Variants in ITGA9 observed in about 807,000 individuals in gnomAD.
ITGA9 encodes the protein integrin alpha-9.
In ITGA9, 56 loss-of-function variants were observed where a neutral mutation model predicts 127.8. The ratio of observed to expected loss-of-function variants is 0.44; its 90% CI spans 0.35 to 0.55. The LOEUF (loss-of-function observed/expected upper bound fraction) is 0.55, where lower values mean the gene tolerates loss of function less well. ITGA9 is among the 20% of genes least tolerant of loss of function. The pLI, the probability that ITGA9 is intolerant of heterozygous loss-of-function variation, is 0.00. For synonymous variants in ITGA9, 508 were observed against 514.5 expected (o/e 0.99, Z 0.17); for missense variants, 1,196 against 1,347.1 (o/e 0.89, Z 1.76).
At chr3:37,488,086 G>A (rs1698629101) in intron 4 of ITGA9, among the ~76,000 whole-genome samples, 1 of 152,178 alleles carries the variant, frequency 6.6e-6, no homozygotes, top group Admixed American at 6.5e-5. Flanking sequence ...ATGCTTTGGT[G>A]CCAGTTATTT....
chr3:37,815,185 C>G (rs1412563561), intron 27 of ITGA9, among the ~76,000 whole-genome samples: 1 of 152,218 alleles, frequency 6.6e-6, no homozygotes, highest in African/African-American at 2.4e-5. Context: ...CACATGAAAG[C>G]CACATGTAAG....
intron 26 of ITGA9, among the ~76,000 whole-genome samples, chr3:37,793,389 AACACACAC>A (rs10575371): frequency 0.024 from 3,216 of 134,520 alleles, 52 homozygotes; most frequent in Middle Eastern, 0.1. Flanking sequence ...CAAACAGGTC[AACACACAC>A]ACACACACAC....
intron 2 of ITGA9, among the ~76,000 whole-genome samples, chr3:37,471,725 A>G (rs1029617092): frequency 6.6e-6 from 1 of 152,202 alleles, no homozygotes; most frequent in African/African-American, 2.4e-5. Context: ...TTACATTTTA[A>G]CTAGGGAAAG....
intron 5 of ITGA9, among the ~76,000 whole-genome samples, chr3:37,499,421 T>C (rs1698766449): frequency 6.6e-6 from 1 of 152,242 alleles, no homozygotes. Flanking sequence ...TGCTAATAAA[T>C]GCATCTTGGG....
chr3:37,606,937 G>A (rs1699974204), intron 15 of ITGA9, among the ~76,000 whole-genome samples: 1 of 148,820 alleles, frequency 6.7e-6, no homozygotes, highest in African/African-American at 2.5e-5. Context: ...TGGCTTGTGT[G>A]AGGGGCCATA....
intron 1 of ITGA9, 42 bp from the exon 2 acceptor site, chr3:37,470,965 T>A: frequency 6.2e-7 from 1 of 1,612,858 alleles, no homozygotes. Flanking sequence ...TCCTATTTTC[T>A]TATCGTAGGT....
At chr3:37,554,920 A>C (rs548080132) in intron 15 of ITGA9, among the ~76,000 whole-genome samples, 4 of 152,264 alleles carry the variant, frequency 2.6e-5, no homozygotes, top group South Asian at 4.1e-4. Context: ...CTTCAGTTTG[A>C]GTAGTAGTCT....
chr3:37,599,750 C>A (rs1407837249), intron 15 of ITGA9, among the ~76,000 whole-genome samples: 2 of 152,204 alleles, frequency 1.3e-5, no homozygotes, highest in Non-Finnish European at 2.9e-5. Context: ...CTCACAAGAT[C>A]ATTTTGAGGT....
At chr3:37,713,890 C>T (rs1011980652) in intron 18 of ITGA9, among the ~76,000 whole-genome samples, 3 of 152,202 alleles carry the variant, frequency 2.0e-5, no homozygotes, top group African/African-American at 7.2e-5. Context: ...GTTGGGAAAC[C>T]CTACACAGAC....
intron 12 of ITGA9, among the ~76,000 whole-genome samples, chr3:37,524,722 G>C (rs1451874770): frequency 5.9e-5 from 9 of 152,152 alleles, no homozygotes. Context: ...AAACAAGGAT[G>C]CTGAGACTCA....
intron 23 of ITGA9, among the ~76,000 whole-genome samples, chr3:37,752,287 G>T (rs970915409): frequency 5.3e-5 from 8 of 152,148 alleles, no homozygotes; most frequent in Non-Finnish European, 2.9e-5. Flanking sequence ...TGGGGATTTG[G>T]GTGGCTTGGT....
intron 15 of ITGA9, among the ~76,000 whole-genome samples, chr3:37,580,002 T>C (rs1440817901): frequency 6.6e-6 from 1 of 152,218 alleles, no homozygotes; most frequent in East Asian, 1.9e-4. Context: ...ATCTAATAGT[T>C]ATCAATAATG....
intron 27 of ITGA9, among the ~76,000 whole-genome samples, chr3:37,811,751 T>C (rs1697371396): frequency 1.3e-5 from 2 of 152,220 alleles, no homozygotes; most frequent in South Asian, 4.1e-4. Context: ...GTGAGACTGC[T>C]TGGCCAGCCC....
At chr3:37,785,663 G>A (rs987081263) in intron 26 of ITGA9, among the ~76,000 whole-genome samples, 5 of 151,852 alleles carry the variant, frequency 3.3e-5, no homozygotes, top group African/African-American at 1.2e-4. Context: ...TTTTTTTGTC[G>A]GGATAGGGTT....
intron 23 of ITGA9, among the ~76,000 whole-genome samples, chr3:37,768,735 C>G (rs1272712463): frequency 6.6e-6 from 1 of 151,650 alleles, no homozygotes; most frequent in African/African-American, 2.4e-5. Context: ...AACCTAGGTC[C>G]CTTTTAACCC....
chr3:37,726,821 G>T (rs1380106353), intron 18 of ITGA9, among the ~76,000 whole-genome samples: 2 of 152,210 alleles, frequency 1.3e-5, no homozygotes, highest in African/African-American at 4.8e-5. Flanking sequence ...AAATGAGTAC[G>T]CATAAATCAA....
At chr3:37,809,996 T>A (rs896839928) in intron 27 of ITGA9, among the ~76,000 whole-genome samples, 1 of 152,162 alleles carries the variant, frequency 6.6e-6, no homozygotes, top group Admixed American at 6.5e-5. Context: ...AGCCACTGAG[T>A]GTTACCCAGC....
chr3:37,780,749 G>T lies in ITGA9; in HGVS notation c.2787+728G>T, dbSNP rs911190561. On this transcript the variant is annotated intron_variant, in intron 25 of 27. Coordinates refer to ENST00000264741, the MANE Select transcript of ITGA9 (RefSeq NM_002207.3). ...TATTTTTAGTTCTTTGAGAAATCTC[G>T]ATACTGCTTTTTTGATTGTACTAAT... Among the ~76,000 whole-genome samples, 3 of 152,164 alleles carry T rather than the reference G, an allele frequency of 2.0e-5. No individual in the cohort carries two copies. The South Asian group carries it at 6.2e-4, about 32-fold the overall frequency.
intron 17 of ITGA9, among the ~76,000 whole-genome samples, chr3:37,679,892 C>T (rs1277009823): frequency 6.6e-6 from 1 of 151,976 alleles, no homozygotes; most frequent in East Asian, 1.9e-4. Flanking sequence ...ATAGACAGTC[C>T]TCAACCAAAA....
Sources: allele counts gnomAD v4.1 joint callset (sites outside exome capture counted in the v4.1 genomes callset), GRCh38; gene constraint gnomAD v4.1.1; transcripts MANE v1.5; gene names NCBI Gene and HGNC (gene_info 2026-07-23, HGNC 2026-07-21).